MBD5: variants seen among roughly 807,000 people sequenced by gnomAD.
The protein encoded by MBD5 is methyl-CpG-binding domain protein 5.
Under a neutral mutation model 117.3 loss-of-function variants are expected in MBD5, and 13 were observed. The ratio of observed to expected loss-of-function variants is 0.11; its 90% confidence interval spans 0.07 to 0.18. The LOEUF is 0.18. Among genes scored for constraint, MBD5 ranks in the 10% least tolerant of loss-of-function variants. MBD5 has a pLI of 1.00. For synonymous variants in MBD5, 727 were observed against 766.4 expected, an observed-to-expected ratio of 0.95 and a Z score of 0.85; for missense variants, 1,879 against 2,093.8, an observed-to-expected ratio of 0.90 and a Z score of 2.00.
intron 3 of MBD5, among the ~76,000 whole-genome samples, chr2:148,339,746 A>G (rs1020345410): frequency 1.3e-5 from 2 of 152,168 alleles, no homozygotes; most frequent in Non-Finnish European, 2.9e-5. Flanking sequence ...TACTCTATAC[A>G]AAAAATAAAT....
intron 3 of MBD5, among the ~76,000 whole-genome samples, chr2:148,247,067 T>G (rs572913680): frequency 1.3e-5 from 2 of 152,158 alleles, no homozygotes; most frequent in Non-Finnish European, 2.9e-5. Flanking sequence ...CCTGTAAAGC[T>G]TTTTTTAAAT....
chr2:148,245,425 A>G (rs989497462), intron 3 of MBD5, among the ~76,000 whole-genome samples: 2 of 151,892 alleles, frequency 1.3e-5, no homozygotes, highest in Admixed American at 1.3e-4. Flanking sequence ...TAGGACAAAA[A>G]TATTTTTTTT....
At chr2:148,218,933 G>A (rs1699619155) in intron 2 of MBD5, among the ~76,000 whole-genome samples, 1 of 152,220 alleles carries the variant, frequency 6.6e-6, no homozygotes, top group East Asian at 1.9e-4. Context: ...TATAAATAAT[G>A]TAGACTTAGG....
At chr2:148,043,726 A>AT (rs1243725878) in intron 1 of MBD5, among the ~76,000 whole-genome samples, 1 of 152,182 alleles carries the variant, frequency 6.6e-6, no homozygotes, top group East Asian at 1.9e-4. Context: ...AAAGAAAGAT[A>AT]TTTGTGCTGG....
chr2:148,368,965 G>A (rs913444125), intron 4 of MBD5, among the ~76,000 whole-genome samples: 2 of 152,166 alleles, frequency 1.3e-5, no homozygotes, highest in Admixed American at 1.3e-4. Context: ...TTAACAAAGT[G>A]ATCATAGTTA....
chr2:148,324,764 A>G (rs367838936), intron 3 of MBD5, among the ~76,000 whole-genome samples: 1 of 152,242 alleles, frequency 6.6e-6, no homozygotes, highest in South Asian at 2.1e-4. Flanking sequence ...TAGATATACA[A>G]TCATGTCATC....
rs1184162964 is a variant in MBD5 at position 148,212,407 on chromosome 2, C to T, written c.-830-20838C>T. Among the ~76,000 whole-genome samples the T allele has an allele frequency of 2.6e-5, 4 of 152,078 alleles. No individual in the cohort carries two copies. In the East Asian group the frequency reaches 7.7e-4, roughly 29 times the overall value. On this transcript the variant is annotated intron_variant, in intron 2 of 13. Transcript: ENST00000642680. ...CTGTGTTGCAGTATATATCAGAATT[C>T]CATTACTTTTTATAGCCAAATAATG...
chr2:148,464,828 C>G (rs972215511), intron 7 of MBD5, among the ~76,000 whole-genome samples: 3 of 146,898 alleles, frequency 2.0e-5, no homozygotes, highest in African/African-American at 5.0e-5. Context: ...ACTAGCCAGG[C>G]ATGGTGGTGG....
intron 1 of MBD5, among the ~76,000 whole-genome samples, chr2:148,042,405 A>T (rs1694386376): frequency 6.6e-6 from 1 of 152,144 alleles, no homozygotes. Flanking sequence ...ACAGAAAAAA[A>T]TTTCTCACAG....
intron 1 of MBD5, among the ~76,000 whole-genome samples, chr2:148,070,067 A>G (rs981225788): frequency 3.3e-5 from 5 of 152,076 alleles, no homozygotes; most frequent in African/African-American, 1.2e-4. Flanking sequence ...GTTAAGGCCC[A>G]TTTACCAGCC....
intron 4 of MBD5, among the ~76,000 whole-genome samples, chr2:148,447,967 C>T (rs1185834319): frequency 2.0e-5 from 3 of 152,044 alleles, no homozygotes; most frequent in Non-Finnish European, 4.4e-5. Context: ...CTAAAACACT[C>T]TATGCCTCAT....
At chr2:148,487,678 C>G (rs1165119689) in intron 10 of MBD5, among the ~76,000 whole-genome samples, 1 of 151,960 alleles carries the variant, frequency 6.6e-6, no homozygotes, top group African/African-American at 2.4e-5. Context: ...AATGGAGGAA[C>G]AGTGAATAGG....
intron 11 of MBD5, 74 bp from the exon 12 acceptor site, chr2:148,502,362 G>A (rs1574497554): frequency 5.8e-6 from 8 of 1,380,986 alleles, no homozygotes; most frequent in East Asian, 4.6e-5. Context: ...CTGCTTGTAC[G>A]GCAGGAAAGT....
chr2:148,042,680 AT>A, intron 1 of MBD5, among the ~76,000 whole-genome samples: 1 of 152,300 alleles, frequency 6.6e-6, no homozygotes, highest in East Asian at 1.9e-4. Flanking sequence ...AATAAGAAAA[AT>A]TGCAAACCTC....
chr2:148,339,969 T>C (rs1401307571), intron 3 of MBD5, among the ~76,000 whole-genome samples: 8 of 152,028 alleles, frequency 5.3e-5, no homozygotes, highest in Non-Finnish European at 1.0e-4. Flanking sequence ...GATTTTTTTC[T>C]CCTTCCCTTT....
intron 3 of MBD5, among the ~76,000 whole-genome samples, chr2:148,294,645 G>A (rs1467509664): frequency 2.0e-5 from 3 of 151,660 alleles, no homozygotes; most frequent in Non-Finnish European, 4.4e-5. Flanking sequence ...TGATATTACA[G>A]CCACACACCA....
chr2:148,361,148 C>G (rs1703521930), intron 4 of MBD5, among the ~76,000 whole-genome samples: 2 of 152,198 alleles, frequency 1.3e-5, no homozygotes. Context: ...GGGTTCAAAA[C>G]CAGCCAGCCT....
chr2:148,489,744 G>A lies in MBD5; in HGVS notation c.4112G>A (p.Ser1371Asn), dbSNP rs1037868450. ...ASIGDPLNLS[S>N]AVSAVIHGRN... Reference sequence around the variant, plus strand: ...ATTGGTGACCCATTAAATCTCTCCAGTGCTGTCAGTGCGGTCATTCATGGA... The same window carrying A: ...ATTGGTGACCCATTAAATCTCTCCAATGCTGTCAGTGCGGTCATTCATGGA... The change falls in exon 11 of 14, where the codon AGT (serine) becomes AAT (asparagine). Residue 1371 changes from serine (S) to asparagine (N), a missense_variant. Physicochemically the swap from Ser to Asn is conservative, Grantham distance 46 (BLOSUM62 1). This residue lies in a region of MBD5 where 1,666 missense variants were observed against 1,792.2 expected (regional missense o/e 0.93). Transcript: ENST00000642680. 1.9e-6 allele frequency: 3 copies of A among 1,614,056 alleles called. No individual in the cohort carries two copies. In the Admixed American group the frequency reaches 5.0e-5, roughly 27 times the overall value.
chr2:148,262,198 C>T (rs547928819), intron 3 of MBD5, among the ~76,000 whole-genome samples: 3 of 152,084 alleles, frequency 2.0e-5, no homozygotes, highest in Non-Finnish European at 4.4e-5. Flanking sequence ...AGGGTTGTCG[C>T]AAACCTTCCA....
Sources: allele counts gnomAD v4.1 joint callset (sites outside exome capture counted in the v4.1 genomes callset), GRCh38; gene constraint gnomAD v4.1.1; regional missense constraint gnomAD v4.1.1; transcripts MANE v1.5; gene names NCBI Gene and HGNC (gene_info 2026-07-23, HGNC 2026-07-21).